The following GNB1 variants were observed in gnomAD, a reference collection of about 807,000 sequenced individuals.
GNB1 encodes G protein subunit beta 1, also known as guanine nucleotide-binding protein G(I)/G(S)/G(T) subunit beta-1.
In GNB1, 2 loss-of-function variants were observed where a neutral mutation model predicts 42.9. The observed-to-expected ratio is 0.05, with a 90% confidence interval of 0.02 to 0.15. The LOEUF is 0.15. Ranked by LOEUF, GNB1 falls within the 10% of genes least tolerant of loss-of-function variation. The probability of loss-of-function intolerance (pLI) is 1.00; values close to 1 mark genes in which losing one functional copy is unlikely to be tolerated. For synonymous variants in GNB1, 183 were observed against 174.7 expected (o/e 1.05, Z -0.38); for missense variants, 193 against 462.2 (o/e 0.42, Z 5.34).
chr1:1,871,591 C>T (rs751817574), intron 1 of GNB1, among the ~76,000 whole-genome samples: 1 of 152,124 alleles, frequency 6.6e-6, no homozygotes, highest in Non-Finnish European at 1.5e-5. Context: ...ACCCCTCCAC[C>T]GACCATCACA....
At chr1:1,812,602 C>T (rs1031878056) in intron 5 of GNB1, among the ~76,000 whole-genome samples, 3 of 152,164 alleles carry the variant, frequency 2.0e-5, no homozygotes, top group African/African-American at 7.2e-5. Context: ...TGCCATGCAC[C>T]TAGCACCCTG....
chr1:1,839,909 C>T (rs2101187530), intron 1 of GNB1, among the ~76,000 whole-genome samples: 1 of 152,126 alleles, frequency 6.6e-6, no homozygotes, highest in Admixed American at 6.6e-5. Context: ...AATCCCAACA[C>T]TTTGGGAGGC....
chr1:1,819,980 C>A (rs913717958), intron 3 of GNB1, among the ~76,000 whole-genome samples: 1 of 152,198 alleles, frequency 6.6e-6, no homozygotes, highest in Non-Finnish European at 1.5e-5. Flanking sequence ...GAGTTCCCAG[C>A]GGTTCAGGCT....
At chr1:1,826,026 A>C (rs1646993484) in intron 2 of GNB1, among the ~76,000 whole-genome samples, 1 of 152,262 alleles carries the variant, frequency 6.6e-6, no homozygotes. Context: ...AATGTCTAAA[A>C]TACTACTCAA....
chr1:1,854,103 G>A (rs1022115579), intron 1 of GNB1, among the ~76,000 whole-genome samples: 1 of 152,158 alleles, frequency 6.6e-6, no homozygotes, highest in Non-Finnish European at 1.5e-5. Flanking sequence ...CTTGTTGGTC[G>A]AGGAAGGCAT....
At chr1:1,868,680 G>A (rs1229891470) in intron 1 of GNB1, among the ~76,000 whole-genome samples, 2 of 151,874 alleles carry the variant, frequency 1.3e-5, no homozygotes, top group African/African-American at 2.4e-5. Context: ...TTACTCAGGA[G>A]GCTGAGGCAG....
intron 1 of GNB1, chr1:1,890,527 G>A (rs1398201245): frequency 6.8e-6 from 1 of 146,066 alleles, no homozygotes; most frequent in Non-Finnish European, 1.5e-5. Context: ...CCGCCGCCAC[G>A]GGAAGCGCCC....
intron 1 of GNB1, among the ~76,000 whole-genome samples, chr1:1,860,894 G>C (rs544029395): frequency 6.6e-6 from 1 of 151,902 alleles, no homozygotes; most frequent in African/African-American, 2.4e-5. Context: ...GATCGCTTGA[G>C]GTCAGGAGTT....
At chr1:1,820,798 A>T (rs1195340081) in intron 3 of GNB1, among the ~76,000 whole-genome samples, 1 of 152,236 alleles carries the variant, frequency 6.6e-6, no homozygotes, top group African/African-American at 2.4e-5. Flanking sequence ...AGGAAAAACT[A>T]CTGTAAAAAC....
At chr1:1,886,846 C>T (rs1650184028) in intron 1 of GNB1, among the ~76,000 whole-genome samples, 1 of 152,196 alleles carries the variant, frequency 6.6e-6, no homozygotes, top group Non-Finnish European at 1.5e-5. Context: ...GCTGGGATTA[C>T]AGGTGCCCAG....
intron 4 of GNB1, among the ~76,000 whole-genome samples, chr1:1,817,373 T>C (rs1012681353): frequency 3.3e-5 from 5 of 152,214 alleles, no homozygotes; most frequent in Non-Finnish European, 7.3e-5. Flanking sequence ...TTTCTACATT[T>C]TGGCTATTGT....
chr1:1,811,604 G>A (rs1646780573), intron 5 of GNB1, among the ~76,000 whole-genome samples: 2 of 151,982 alleles, frequency 1.3e-5, no homozygotes, highest in Middle Eastern at 3.4e-3. Flanking sequence ...GCTGAGGCAG[G>A]AGAATGGTGT....
intron 1 of GNB1, among the ~76,000 whole-genome samples, chr1:1,876,514 A>AGAGAGAGAGAGAGAGAGAGAGAGAGC (rs1491127351): frequency 6.7e-6 from 1 of 149,866 alleles, no homozygotes; most frequent in African/African-American, 2.5e-5. Context: ...AGAGAGAGAG[A>AGAGAGAGAGAGAGAGAGAGAGAGAGC]GCGAGCGTGC....
intron 1 of GNB1, among the ~76,000 whole-genome samples, chr1:1,877,497 AATTTT>A (rs542248191): frequency 3.2e-4 from 49 of 151,718 alleles, no homozygotes; most frequent in Admixed American, 1.8e-3. Flanking sequence ...TTTTTTATAA[AATTTT>A]ATTTATTTTT....
intron 1 of GNB1, among the ~76,000 whole-genome samples, chr1:1,856,483 A>G (rs888379445): frequency 6.6e-6 from 1 of 152,016 alleles, no homozygotes; most frequent in African/African-American, 2.4e-5. Flanking sequence ...GCTGGAGTGC[A>G]GTGGCCTGAT....
At chr1:1,803,664 G>A (rs75289190) in intron 7 of GNB1, among the ~76,000 whole-genome samples, 1,936 of 152,230 alleles carry the variant, frequency 0.013, 38 homozygotes, top group African/African-American at 0.044. Context: ...CCATTACTGT[G>A]ACTTTTATTT....
At chr1:1,870,362 C>T (rs1479925746) in intron 1 of GNB1, among the ~76,000 whole-genome samples, 3 of 152,010 alleles carry the variant, frequency 2.0e-5, no homozygotes. Flanking sequence ...TTTGTAGAGA[C>T]AGGGTCTCAC....
intron 1 of GNB1, among the ~76,000 whole-genome samples, chr1:1,863,884 G>A (rs1452186124): frequency 6.6e-6 from 1 of 152,178 alleles, no homozygotes; most frequent in Admixed American, 6.5e-5. Context: ...GTGGGAGGTG[G>A]TGTTGCACAG....
rs1186881007 is a variant in GNB1, at chr1:1,883,967, CTTT to C, written c.-96+6850_-96+6852del. 2.6e-4 allele frequency among the ~76,000 whole-genome samples: 35 copies of C among 136,246 alleles called. No individual in the cohort carries two copies. The South Asian group carries it at 5.6e-3, about 22-fold the overall frequency. 89.4% of individuals were successfully genotyped at this position (136,246 alleles called of 152,430 possible). A position where few individuals can be genotyped will look rare whatever the true frequency, so the allele number is the denominator to read the frequency against. On this transcript the variant is annotated intron_variant, in intron 1 of 11. Coordinates refer to ENST00000378609, the MANE Select transcript of GNB1 (RefSeq NM_002074.5). Reference sequence around the variant, plus strand: ...CTCATCTAATTATAAAGTGTCCGGACTTTTTTTTTTTTTTTTTGACCGAGTTTC... The same window carrying C: ...CTCATCTAATTATAAAGTGTCCGGACTTTTTTTTTTTTTTGACCGAGTTTC...
Sources: allele counts gnomAD v4.1 joint callset (sites outside exome capture counted in the v4.1 genomes callset), GRCh38; gene constraint gnomAD v4.1.1; transcripts MANE v1.5; gene names NCBI Gene and HGNC (gene_info 2026-07-23, HGNC 2026-07-21).